Variants in PDZD8 observed in about 807,000 individuals in gnomAD.
PDZD8 encodes PDZ domain-containing protein 8.
PDZD8 carries 14 observed loss-of-function variants against 85.8 expected under a neutral mutation model. The observed-to-expected ratio is 0.16, with a 90% CI of 0.11 to 0.26. The LOEUF (loss-of-function observed/expected upper bound fraction) is 0.26. Among genes scored for constraint, PDZD8 ranks in the 10% least tolerant of loss-of-function variants. The probability of loss-of-function intolerance (pLI) is 1.00; values close to 1 mark genes in which losing one functional copy is unlikely to be tolerated. For synonymous variants in PDZD8, 592 were observed against 568.6 expected (o/e 1.04, Z -0.59); for missense variants, 1,197 against 1,424.3 (o/e 0.84, Z 2.57).
Position 117,280,031 on chromosome 10 carries a change from T to C in PDZD8, c.*3237A>G, listed in dbSNP as rs539731614. On this transcript the variant is annotated 3_prime_UTR_variant, in exon 5 of 5. Transcript: ENST00000334464. ...TTTTTAAGAGCCAAATATTTCCAAA[T>C]TGCTTTAAAAAAAATTCAGCTATAC... The C allele has an allele frequency of 4.3e-4, 66 of 152,272 alleles. No homozygotes were observed. The highest frequency in any genetic ancestry group is 1.5e-3 in the African/African-American group (61 of 41,548). 9.4% of individuals were successfully genotyped at this position (152,272 alleles called of 1,614,324 possible). A position where few individuals can be genotyped will look rare whatever the true frequency, so the allele number is the denominator to read the frequency against.
chr10:117,308,498 C>T (rs368356584), intron 3 of PDZD8, among the ~76,000 whole-genome samples: 56 of 152,184 alleles, frequency 3.7e-4, no homozygotes, highest in African/African-American at 1.3e-3. Flanking sequence ...ATATTATGTG[C>T]CAGGTATTAT....
intron 1 of PDZD8, among the ~76,000 whole-genome samples, chr10:117,352,988 T>G (rs1334238023): frequency 6.6e-6 from 1 of 152,164 alleles, no homozygotes; most frequent in Non-Finnish European, 1.5e-5. Flanking sequence ...AAATTGCTTC[T>G]GGGTGGAGCC....
rs529025262 is a variant in PDZD8, at chr10:117,285,283, C to T, written c.1450G>A (p.Gly484Arg). The T allele has an allele frequency of 2.6e-5, 42 of 1,614,104 alleles. No homozygotes were observed. The Admixed American group carries it at 3.2e-4, about 12-fold the overall frequency. ...CQSGYEEEAA[G>R]LTVDTESREL... is the part of the protein sequence containing the mutation. ...CTACTTTCAGTATCTACTGTCAACC[C>T]GGCAGCTTCCTCTTCATAACCCGAT... Residue 484 changes from glycine (G) to arginine (R), a missense_variant, in exon 5 of 5, where the codon GGG becomes AGG. Physicochemically the swap from Gly to Arg is moderately radical, Grantham distance 125 (BLOSUM62 -2). This residue lies in a region of PDZD8 where 263 missense variants were observed against 261.9 expected (regional missense o/e 1.00). Transcript: ENST00000334464.
At chr10:117,332,310 A>G (rs953319722) in intron 2 of PDZD8, among the ~76,000 whole-genome samples, 1 of 152,112 alleles carries the variant, frequency 6.6e-6, no homozygotes, top group African/African-American at 2.4e-5. Context: ...AAAACAAAAA[A>G]CAGAACTTCA....
At chr10:117,306,708 T>C (rs1040731744) in intron 3 of PDZD8, among the ~76,000 whole-genome samples, 2 of 152,108 alleles carry the variant, frequency 1.3e-5, no homozygotes, top group Admixed American at 6.6e-5. Flanking sequence ...TTTTTTATCT[T>C]GAAATAATTT....
chr10:117,350,817 T>C (rs369408182), intron 1 of PDZD8, among the ~76,000 whole-genome samples: 1 of 146,736 alleles, frequency 6.8e-6, no homozygotes, highest in Admixed American at 6.8e-5. Context: ...GGCAGGAGAA[T>C]GGCATGAACC....
At position 117,334,974 on chromosome 10, in the gene PDZD8, GA is replaced by G. The variant is rs898380646; in HGVS notation, c.995+6005del. ...TGGGAAAAAAAGGCCAAAACAATTG[GA>G]AAAAAAAAATAGCCCAAGCTCCCAA... On this transcript the variant is annotated intron_variant, in intron 2 of 4. Coordinates refer to ENST00000334464, the MANE Select transcript of PDZD8 (RefSeq NM_173791.5). Among the ~76,000 whole-genome samples the G allele has an allele frequency of 2.8e-4, 41 of 148,210 alleles. 1 individual carries two copies. The South Asian group carries it at 4.2e-3, about 15-fold the overall frequency.
At chr10:117,360,968 C>T (rs1453293252) in intron 1 of PDZD8, among the ~76,000 whole-genome samples, 4 of 152,108 alleles carry the variant, frequency 2.6e-5, no homozygotes, top group East Asian at 1.9e-4. Context: ...TAACATTTTG[C>T]ATATCAGAAA....
intron 1 of PDZD8, among the ~76,000 whole-genome samples, chr10:117,346,173 G>A (rs1006923963): frequency 6.0e-5 from 9 of 150,276 alleles, no homozygotes; most frequent in Admixed American, 1.3e-4. Flanking sequence ...CCTGGGAGGC[G>A]GAGGTTGCAG....
intron 2 of PDZD8, among the ~76,000 whole-genome samples, chr10:117,327,004 T>A (rs563556092): frequency 1.8e-4 from 27 of 152,340 alleles, no homozygotes; most frequent in Admixed American, 9.8e-4. Flanking sequence ...AAACTCTTCA[T>A]ACTATCCTTC....
At chr10:117,329,215 AT>A (rs1269927233) in intron 2 of PDZD8, among the ~76,000 whole-genome samples, 2 of 152,226 alleles carry the variant, frequency 1.3e-5, no homozygotes, top group Non-Finnish European at 2.9e-5. Flanking sequence ...GTATAAATAA[AT>A]TTCTACTACT....
chr10:117,316,379 A>G (rs1264245345), intron 3 of PDZD8, among the ~76,000 whole-genome samples: 1 of 152,154 alleles, frequency 6.6e-6, no homozygotes, highest in East Asian at 1.9e-4. Context: ...TCCCTTAAAA[A>G]TAAAAAGTCA....
chr10:117,337,361 G>A (rs1182926769), intron 2 of PDZD8, among the ~76,000 whole-genome samples: 2 of 152,048 alleles, frequency 1.3e-5, no homozygotes, highest in East Asian at 3.9e-4. Flanking sequence ...ACGACAAACA[G>A]CCATTGCATT....
chr10:117,374,531 A>C lies in PDZD8; in HGVS notation c.697T>G (p.Phe233Val), dbSNP rs1260342911. ...SRVVGRLRLV[F>V]TRVPFTHWFF... ...CAGTGGGTGAAGGGCACGCGCGTAA[A>C]GACCAAGCGCAGCCTTCCCACCACG... is the stretch of plus-strand genomic sequence containing the variant. Residue 233 changes from phenylalanine (F) to valine (V), a missense_variant, in exon 1 of 5, where the codon TTT becomes GTT. This residue lies in a region of PDZD8 where 344 missense variants were observed against 453.6 expected (regional missense o/e 0.76). Coordinates refer to ENST00000334464, the MANE Select transcript of PDZD8 (RefSeq NM_173791.5). The surrounding 1 kb of genome is among the most constrained non-coding windows in gnomAD (Gnocchi z 7.8). 6.2e-7 allele frequency: 1 copy of C among 1,610,162 alleles called. No individual in the cohort carries two copies. Among genetic ancestry groups the C allele is most frequent in the East Asian group, 2.2e-5 (1 of 44,718 alleles).
At chr10:117,353,098 A>G (rs1343965835) in intron 1 of PDZD8, among the ~76,000 whole-genome samples, 1 of 152,194 alleles carries the variant, frequency 6.6e-6, no homozygotes, top group Non-Finnish European at 1.5e-5. Flanking sequence ...ATAAAGTCAC[A>G]GTATCTCACT....
intron 2 of PDZD8, among the ~76,000 whole-genome samples, chr10:117,324,846 T>A (rs879405854): frequency 6.6e-6 from 1 of 152,230 alleles, no homozygotes; most frequent in Non-Finnish European, 1.5e-5. Context: ...CTATAGCTTA[T>A]GGCAGTGTGG....
chr10:117,366,779 C>T (rs1365962134), intron 1 of PDZD8, among the ~76,000 whole-genome samples: 1 of 152,172 alleles, frequency 6.6e-6, no homozygotes, highest in Non-Finnish European at 1.5e-5. Flanking sequence ...GGACCTTTTA[C>T]ATTTAGGACT....
chr10:117,285,021 T>G lies in PDZD8; in HGVS notation c.1712A>C (p.Glu571Ala), dbSNP rs1844636481. ...TGACACTTGTGCTGGGTCTGTTATC[T>G]CAGAAGTTTTTAGGGGTGGAGGTTT... Reference protein sequence around the residue: ...GNKPPPLKTSEITDPAQVSKP... With the variant: ...GNKPPPLKTSAITDPAQVSKP... The change falls in exon 5 of 5, where the codon GAG becomes GCG. Residue 571 changes from glutamate to alanine, a missense_variant. Glu to Ala is a moderately radical substitution (Grantham distance 107). Transcript: ENST00000334464. The G allele has an allele frequency of 6.2e-7, 1 of 1,613,980 alleles. No individual in the cohort carries two copies. Among genetic ancestry groups the G allele is most frequent in the African/African-American group, 1.3e-5 (1 of 74,912 alleles).
chr10:117,350,737 A>T (rs1478023943), intron 1 of PDZD8, among the ~76,000 whole-genome samples: 1 of 151,664 alleles, frequency 6.6e-6, no homozygotes, highest in Non-Finnish European at 1.5e-5. Flanking sequence ...CCCCGTCTCT[A>T]CTAAAAATAC....
Sources: allele counts gnomAD v4.1 joint callset (sites outside exome capture counted in the v4.1 genomes callset), GRCh38; gene constraint gnomAD v4.1.1; regional missense constraint gnomAD v4.1.1; non-coding constraint Gnocchi (gnomAD v3.1); transcripts MANE v1.5; gene names NCBI Gene and HGNC (gene_info 2026-07-23, HGNC 2026-07-21).